The following SPOCK3 variants were observed in gnomAD, a reference collection of about 807,000 sequenced individuals.
SPOCK3 encodes the protein testican-3.
SPOCK3 carries 30 observed loss-of-function variants against 56.6 expected under a neutral mutation model. The observed-to-expected ratio is 0.53, with a 90% CI of 0.40 to 0.72. The LOEUF is 0.72. SPOCK3 is among the 30% of genes least tolerant of loss of function. The pLI is 0.00. For synonymous variants in SPOCK3, 196 were observed against 183.3 expected (o/e 1.07, Z -0.56); for missense variants, 527 against 530.0 (o/e 0.99, Z 0.06).
At chr4:166,847,208 G>T (rs532334732) in intron 6 of SPOCK3, among the ~76,000 whole-genome samples, 1 of 152,108 alleles carries the variant, frequency 6.6e-6, no homozygotes, top group Non-Finnish European at 1.5e-5. Context: ...TCTTTTTCAA[G>T]CTAAGTGCTT....
rs147577424 is a variant in SPOCK3 at position 166,837,660 on chromosome 4, C to A, written c.590-45371G>T. 3.1e-3 allele frequency among the ~76,000 whole-genome samples: 465 copies of A among 152,218 alleles called. 2 individuals are homozygous for A. The highest frequency in any genetic ancestry group is 0.011 in the African/African-American group (437 of 41,538). ...TTTATCCTGTGGACATTTAGAATCA[C>A]GTTAGACAGTTATAATGTTTGCTTC... On this transcript the variant is annotated intron_variant, in intron 6 of 10. Transcript: ENST00000357545.
intron 2 of SPOCK3, 181 bp from the exon 3 acceptor site, chr4:167,062,718 T>G (rs554966400): frequency 1.8e-6 from 1 of 557,696 alleles, no homozygotes; most frequent in East Asian, 3.0e-5. Flanking sequence ...AGAAAAAGAA[T>G]AGTTATCAAA....
chr4:166,870,760 T>C (rs1262044379), intron 6 of SPOCK3, among the ~76,000 whole-genome samples: 1 of 152,164 alleles, frequency 6.6e-6, no homozygotes, highest in African/African-American at 2.4e-5. Flanking sequence ...CTAAGTTTCC[T>C]GATATAGTTT....
Position 167,139,954 on chromosome 4 carries a change from C to A in SPOCK3, c.190-77417G>T, listed in dbSNP as rs141414122. 9.8e-3 allele frequency among the ~76,000 whole-genome samples: 1,488 copies of A among 152,002 alleles called. 15 individuals are homozygous for A. The highest frequency in any genetic ancestry group is 0.013 in the Non-Finnish European group (912 of 67,940). ...TTTTATACTTCCACCAAGAAGTAGG[C>A]AGCCCCTCTTACCCTCCTGGACATT... On this transcript the variant is annotated intron_variant, in intron 2 of 10. Transcript: ENST00000357545.
At chr4:167,090,278 G>A (rs572633095) in intron 2 of SPOCK3, among the ~76,000 whole-genome samples, 79 of 152,090 alleles carry the variant, frequency 5.2e-4, no homozygotes, top group Non-Finnish European at 8.8e-5. Flanking sequence ...ACCCTCATCA[G>A]CACTTGGCAT....
At chr4:167,187,371 CTCTT>C (rs1025878372) in intron 2 of SPOCK3, among the ~76,000 whole-genome samples, 4 of 151,364 alleles carry the variant, frequency 2.6e-5, no homozygotes, top group African/African-American at 9.7e-5. Flanking sequence ...TTTCAGACTA[CTCTT>C]TCTTACATTT....
rs370722607 is a variant in SPOCK3 at position 166,996,558 on chromosome 4, T to G, written c.350+3791A>C. 3.3e-5 allele frequency among the ~76,000 whole-genome samples: 5 copies of G among 152,282 alleles called. No homozygotes were observed. The South Asian group carries it at 1.0e-3, about 32-fold the overall frequency. ...TAAAGCATCTAAATAATGGGTTATGTTACCATATTGGAAAAACATGCTGCA... is the reference window on the plus strand; with the variant it reads ...TAAAGCATCTAAATAATGGGTTATGGTACCATATTGGAAAAACATGCTGCA... On this transcript the variant is annotated intron_variant, in intron 4 of 10. Coordinates refer to ENST00000357545, the MANE Select transcript of SPOCK3 (RefSeq NM_001040159.2).
intron 2 of SPOCK3, among the ~76,000 whole-genome samples, chr4:167,184,232 G>T (rs944331687): frequency 2.0e-5 from 3 of 152,056 alleles, no homozygotes; most frequent in African/African-American, 7.2e-5. Context: ...TATTTCTTTA[G>T]TCTGACAAGA....
chr4:167,205,524 A>G (rs1734179323), intron 2 of SPOCK3, among the ~76,000 whole-genome samples: 1 of 58,904 alleles, frequency 1.7e-5, no homozygotes, highest in Non-Finnish European at 2.8e-5. Context: ...TATATTATAT[A>G]TATTATTATA....
rs182400116 is a variant in SPOCK3 at position 166,746,188 on chromosome 4, T to G, written c.932-4129A>C. Among the ~76,000 whole-genome samples the G allele has an allele frequency of 2.0e-4, 30 of 152,334 alleles. No individual in the cohort carries two copies. The East Asian group carries it at 5.6e-3, about 28-fold the overall frequency. On this transcript the variant is annotated intron_variant, in intron 8 of 10. Coordinates refer to ENST00000357545, the MANE Select transcript of SPOCK3 (RefSeq NM_001040159.2). ...CCCCAAATCAACAGAATATACATTC[T>G]TCTCAGAAGCACATCACACTTATTC... is the stretch of plus-strand genomic sequence containing the variant.
At chr4:167,021,607 TC>T (rs1457651924) in intron 3 of SPOCK3, among the ~76,000 whole-genome samples, 2 of 151,872 alleles carry the variant, frequency 1.3e-5, no homozygotes, top group African/African-American at 4.8e-5. Flanking sequence ...CCGGTCGATT[TC>T]CCCAGATCAG....
chr4:166,947,678 T>C (rs1026045151), intron 4 of SPOCK3, among the ~76,000 whole-genome samples: 2 of 152,178 alleles, frequency 1.3e-5, no homozygotes, highest in African/African-American at 4.8e-5. Flanking sequence ...GCTTAAAGAT[T>C]GTACTAAAAC....
At chr4:167,187,985 A>G (rs1249882683) in intron 2 of SPOCK3, among the ~76,000 whole-genome samples, 2 of 152,168 alleles carry the variant, frequency 1.3e-5, no homozygotes, top group African/African-American at 4.8e-5. Flanking sequence ...GTTGTTTGTC[A>G]CCAGATGAGT....
At position 167,116,909 on chromosome 4, in the gene SPOCK3, G is replaced by GTA. The variant is rs1446671235; in HGVS notation, c.190-54373_190-54372insTA. 2.0e-3 allele frequency among the ~76,000 whole-genome samples: 252 copies of GTA among 123,498 alleles called. 5 individuals carry two copies. Among genetic ancestry groups the GTA allele is most frequent in the African/African-American group, 6.5e-3 (230 of 35,588 alleles). The allele number at this position is 123,498 out of a possible 152,430, so 81.0% of individuals were successfully genotyped here. A position where few individuals can be genotyped will look rare whatever the true frequency, so the allele number is the denominator to read the frequency against. The stretch of plus-strand genomic sequence containing the variant: ...TATACATATATACTTTTGTGTGTGT[G>GTA]TGTGTATATATATATATATATATAC... On this transcript the variant is annotated intron_variant, in intron 2 of 10. Coordinates refer to ENST00000357545, the MANE Select transcript of SPOCK3 (RefSeq NM_001040159.2).
chr4:167,026,786 C>T (rs955334507), intron 3 of SPOCK3, among the ~76,000 whole-genome samples: 7 of 149,360 alleles, frequency 4.7e-5, no homozygotes, highest in Non-Finnish European at 1.0e-4. Context: ...GAAAATATAT[C>T]GCATTGGTTG....
At chr4:167,158,770 C>T (rs966361828) in intron 2 of SPOCK3, among the ~76,000 whole-genome samples, 2 of 151,882 alleles carry the variant, frequency 1.3e-5, no homozygotes, top group African/African-American at 4.8e-5. Flanking sequence ...AACTTTTTAC[C>T]TGAACTTATA....
chr4:167,234,359 C>T, intron 1 of SPOCK3, 91 bp downstream of exon 1: 1 of 623,360 alleles, frequency 1.6e-6, no homozygotes, highest in Non-Finnish European at 2.8e-6. Flanking sequence ...CTCACACACA[C>T]GCAGACCCAG....
chr4:167,033,026 C>T (rs1561141537), intron 3 of SPOCK3, among the ~76,000 whole-genome samples: 1 of 151,914 alleles, frequency 6.6e-6, no homozygotes, highest in African/African-American at 2.4e-5. Flanking sequence ...AGCAGAGATA[C>T]TCAGCAGGAT....
At chr4:167,225,675 CA>C (rs1561344873) in intron 2 of SPOCK3, among the ~76,000 whole-genome samples, 1 of 151,608 alleles carries the variant, frequency 6.6e-6, no homozygotes, top group East Asian at 1.9e-4. Context: ...AGGATCTCTC[CA>C]AAAAACAAAA....
Sources: gnomAD v4.1 joint callset for allele counts (sites outside exome capture counted in the v4.1 genomes callset) on GRCh38, gnomAD v4.1.1 for gene constraint, MANE v1.5 for transcripts, NCBI Gene and HGNC (gene_info 2026-07-23, HGNC 2026-07-21) for gene names.